HSPG2: variants seen among roughly 807,000 people sequenced by gnomAD.
HSPG2 encodes basement membrane-specific heparan sulfate proteoglycan core protein.
In HSPG2, 278 loss-of-function variants were observed where a neutral mutation model predicts 526.6. The observed-to-expected ratio is 0.53, with a 90% confidence interval of 0.48 to 0.58. The LOEUF (loss-of-function observed/expected upper bound fraction) is 0.58, where lower values mean the gene tolerates loss of function less well. Ranked by LOEUF, HSPG2 falls within the 20% of genes least tolerant of loss-of-function variation. The pLI is 0.00. For synonymous variants in HSPG2, 2,465 were observed against 2,555.4 expected, an observed-to-expected ratio of 0.96 and a Z score of 1.07; for missense variants, 5,354 against 6,099.5, an observed-to-expected ratio of 0.88 and a Z score of 4.07.
In HSPG2 at chr1:21,824,076, C is replaced by G. The variant is rs376179947; in HGVS notation, c.12899+45G>C. On this transcript the variant is annotated intron_variant, in intron 95 of 96. Coordinates refer to ENST00000374695, the MANE Select transcript of HSPG2 (RefSeq NM_005529.7). This position sits in a 1 kb window ranked among gnomAD's most constrained non-coding sequence, Gnocchi z 5.9. Reference sequence around the variant, plus strand: ...ATGGTAGGGGGCGTCCTGCCCCACTCCAGAACGCTGGGCCCCATCCCGAGT... The same window carrying G: ...ATGGTAGGGGGCGTCCTGCCCCACTGCAGAACGCTGGGCCCCATCCCGAGT... 17 of 1,554,112 alleles carry G rather than the reference C, an allele frequency of 1.1e-5. No individual in the cohort carries two copies. The highest frequency in any genetic ancestry group is 1.8e-5 in the Admixed American group (1 of 56,830).
chr1:21,835,137 C>T (rs903645599), intron 76 of HSPG2, 192 bp from the exon 77 acceptor site: 2 of 692,208 alleles, frequency 2.9e-6, no homozygotes, highest in Admixed American at 2.3e-5. Flanking sequence ...CTCACGTGTC[C>T]ACTTCTTTTT....
chr1:21,823,687 C>G lies in HSPG2; in HGVS notation c.12932G>C (p.Gly4311Ala). The change falls in exon 96 of 97, where the codon GGT (glycine) becomes GCT (alanine). Residue 4311 changes from glycine (G) to alanine (A), a missense_variant. Gly to Ala is a moderately conservative substitution (Grantham distance 60, BLOSUM62 0). Transcript: ENST00000374695. ...GGACCGGCCGCTGACCAGCTCCTCA[C>G]CGTCGACTTGGATGGAACCTCTGCG... is the stretch of plus-strand genomic sequence containing the variant. ...EGRRGSIQVD[G>A]EELVSGRSPG... is the part of the protein sequence containing the mutation. 6.2e-7 allele frequency: 1 copy of G among 1,613,698 alleles called. No homozygotes were observed. The highest frequency in any genetic ancestry group is 8.5e-7 in the Non-Finnish European group (1 of 1,180,014).
intron 37 of HSPG2, among the ~76,000 whole-genome samples, chr1:21,863,069 A>AACAAAAAAAAAC (rs1557740516): frequency 3.8e-5 from 3 of 78,402 alleles, no homozygotes; most frequent in South Asian, 4.4e-4. Context: ...TCAAAAAAAA[A>AACAAAAAAAAAC]AAAAAAAAAA....
At position 21,829,467 on chromosome 1, in the gene HSPG2, C is replaced by T. The variant is rs762861100; in HGVS notation, c.11908G>A (p.Gly3970Arg). 2.9e-5 allele frequency: 46 copies of T among 1,613,276 alleles called. No homozygotes were observed. The highest frequency in any genetic ancestry group is 3.6e-5 in the Non-Finnish European group (42 of 1,179,852). ...TCCTCCACAGGCCCGCTCTTCCCCC[C>T]GCTGAACAGCAGGACCCCGTCAGGG... Reference protein sequence around the residue: ...LAPDGVLLFSGGKSGPVEDFV... With the variant: ...LAPDGVLLFSRGKSGPVEDFV... The change falls in exon 87 of 97, where the codon GGG (glycine) becomes AGG (arginine). Residue 3970 changes from glycine to arginine, a missense_variant. Physicochemically the swap from Gly to Arg is moderately radical, Grantham distance 125. Coordinates refer to ENST00000374695, the MANE Select transcript of HSPG2 (RefSeq NM_005529.7).
Position 21,836,714 on chromosome 1 carries a change from C to T in HSPG2, c.10355+88G>A, listed in dbSNP as rs1189748129. The T allele has an allele frequency of 4.4e-6, 5 of 1,143,502 alleles. No homozygotes were observed. The South Asian group carries it at 5.3e-5, about 12-fold the overall frequency. 70.8% of individuals were successfully genotyped at this position (1,143,502 alleles called of 1,614,324 possible). A position where few individuals can be genotyped will look rare whatever the true frequency, so the allele number is the denominator to read the frequency against. On this transcript the variant is annotated intron_variant, in intron 75 of 96. Transcript: ENST00000374695. ...TGTCCAAGGACAGTGCTTCATGTTGCGCCCCCTGGGGCAGGTGCTTTAACT... is the reference window on the plus strand; with the variant it reads ...TGTCCAAGGACAGTGCTTCATGTTGTGCCCCCTGGGGCAGGTGCTTTAACT...
At chr1:21,934,598 CTCTT>C (rs1370627390) in intron 1 of HSPG2, among the ~76,000 whole-genome samples, 2 of 37,856 alleles carry the variant, frequency 5.3e-5, no homozygotes, top group Non-Finnish European at 1.7e-4. Flanking sequence ...GTGTGATGCC[CTCTT>C]TTTTTTTTTT....
intron 9 of HSPG2, among the ~76,000 whole-genome samples, chr1:21,886,283 A>C (rs904532499): frequency 2.0e-5 from 3 of 152,160 alleles, no homozygotes; most frequent in African/African-American, 7.2e-5. Flanking sequence ...CAATTACTTT[A>C]TCTCTCCCAA....
At chr1:21,879,236 T>G in intron 17 of HSPG2, 115 bp from the exon 18 acceptor site, 1 of 1,249,732 alleles carries the variant, frequency 8.0e-7, no homozygotes, top group Non-Finnish European at 1.2e-6. Context: ...GGCACAGCTT[T>G]GCAGACAGGG....
intron 1 of HSPG2, among the ~76,000 whole-genome samples, chr1:21,930,590 A>G (rs1225491541): frequency 6.6e-6 from 1 of 152,198 alleles, no homozygotes; most frequent in Non-Finnish European, 1.5e-5. Flanking sequence ...CCTGGCCAAC[A>G]TGGTGGAACT....
chr1:21,874,652 G>C lies in HSPG2; in HGVS notation c.3492C>G (p.His1164Gln). 6.2e-7 allele frequency: 1 copy of C among 1,613,588 alleles called. No homozygotes were observed. The highest frequency in any genetic ancestry group is 8.5e-7 in the Non-Finnish European group (1 of 1,179,776). ...CTGTTTCTGGCTCGCAGGCCTCTGA[G>C]TGGCCATGGCAGCTGCAGCGTTCAC... is the stretch of plus-strand genomic sequence containing the variant. ...GTCERCSCHG[H>Q]SEACEPETGA... Residue 1164 changes from histidine to glutamine, a missense_variant, in exon 27 of 97, where the codon CAC (histidine) becomes CAG (glutamine). Transcript: ENST00000374695.
Position 21,849,016 on chromosome 1 carries a change from G to C in HSPG2, c.7462C>G (p.Leu2488Val). ...PARHQVHGSRLRLLQVTPADS... is the reference protein window; with the variant it reads ...PARHQVHGSRVRLLQVTPADS... ...GCTGGGGTCACCTGGAGCAGGCGTA[G>C]CCTCGAGCCATGCACCTGGGAGGGT... The change falls in exon 58 of 97, where the codon CTA becomes GTA. Residue 2488 changes from leucine (L) to valine (V), a missense_variant. Coordinates refer to ENST00000374695, the MANE Select transcript of HSPG2 (RefSeq NM_005529.7). 1 of 1,613,926 alleles carries C rather than the reference G, an allele frequency of 6.2e-7. No homozygotes were observed. Among genetic ancestry groups the C allele is most frequent in the Non-Finnish European group, 8.5e-7 (1 of 1,180,018 alleles).
At chr1:21,842,673 C>T in intron 67 of HSPG2, 97 bp downstream of exon 67, 1 of 1,528,732 alleles carries the variant, frequency 6.5e-7, no homozygotes, top group South Asian at 1.1e-5. Context: ...CCTGGGGTCC[C>T]CAAGCAGGCT....
chr1:21,856,884 G>T, intron 44 of HSPG2, 131 bp downstream of exon 44: 1 of 965,022 alleles, frequency 1.0e-6, no homozygotes. Flanking sequence ...TGCTTCTGCA[G>T]AGCCTAGACC....
At position 21,824,080 on chromosome 1, in the gene HSPG2, A is replaced by G. The variant is rs1170905195; in HGVS notation, c.12899+41T>C. 6.4e-7 allele frequency: 1 copy of G among 1,566,460 alleles called. No homozygotes were observed. The highest frequency in any genetic ancestry group is 8.7e-7 in the Non-Finnish European group (1 of 1,143,640). On this transcript the variant is annotated intron_variant, in intron 95 of 96. Transcript: ENST00000374695. The surrounding 1 kb of genome is among the most constrained non-coding windows in gnomAD (Gnocchi z 5.9). ...TAGGGGGCGTCCTGCCCCACTCCAG[A>G]ACGCTGGGCCCCATCCCGAGTGCCC... is the stretch of plus-strand genomic sequence containing the variant.
rs906652976 is a variant in HSPG2, at chr1:21,828,564, G to T, written c.12238-138C>A. ...GAGTGGTAGCATGGATTCTCGGTGT[G>T]GGGAGGGAGGCGCAGGAGTTGAGTG... On this transcript the variant is annotated intron_variant, in intron 88 of 96. Transcript: ENST00000374695. This position sits in a 1 kb window ranked among gnomAD's most constrained non-coding sequence, Gnocchi z 6.0. The T allele has an allele frequency of 1.0e-6, 1 of 960,004 alleles. No homozygotes were observed. The highest frequency in any genetic ancestry group is 1.6e-6 in the Non-Finnish European group (1 of 636,672). The allele number at this position is 960,004 out of a possible 1,614,324, so 59.5% of individuals were successfully genotyped here.
intron 66 of HSPG2, 91 bp downstream of exon 66, chr1:21,843,206 A>G: frequency 2.5e-6 from 4 of 1,568,706 alleles, no homozygotes; most frequent in African/African-American, 1.4e-5. Context: ...AGGCAACAAT[A>G]AGTGCCCGGC....
At position 21,834,887 on chromosome 1, in the gene HSPG2, G is replaced by A. The variant is rs55875654; in HGVS notation, c.10512C>T (p.His3504=). The A allele has an allele frequency of 9.4e-4, 1,514 of 1,613,482 alleles. 4 individuals are homozygous for A. Among genetic ancestry groups the A allele is most frequent in the Admixed American group, 1.7e-3 (102 of 60,016 alleles). ...RTSVQTVVVG[H]AVEFECLALG... ...GTGCCAGGCATTCGAACTCCACGGC[G>A]TGGCCAACCACCACGGTCTGCACAG... Residue 3504 remains histidine (H), a synonymous_variant, in exon 77 of 97, where the codon CAC becomes CAT. Coordinates refer to ENST00000374695, the MANE Select transcript of HSPG2 (RefSeq NM_005529.7).
intron 74 of HSPG2, among the ~76,000 whole-genome samples, chr1:21,838,544 G>A (rs1395957702): frequency 6.6e-6 from 1 of 152,260 alleles, no homozygotes; most frequent in Non-Finnish European, 1.5e-5. Context: ...TGGCAGGGGA[G>A]GCAGGCTGGG....
chr1:21,846,860 C>T (rs570096610), intron 62 of HSPG2, among the ~76,000 whole-genome samples: 49 of 152,166 alleles, frequency 3.2e-4, no homozygotes, highest in Admixed American at 4.6e-4. Context: ...ATTAGCCGGG[C>T]ACGGTGGCAT....
Sources: gnomAD v4.1 joint callset for allele counts (sites outside exome capture counted in the v4.1 genomes callset) on GRCh38, gnomAD v4.1.1 for gene constraint, Gnocchi (gnomAD v3.1) non-coding constraint, MANE v1.5 for transcripts, NCBI Gene and HGNC (gene_info 2026-07-23, HGNC 2026-07-21) for gene names.